The following PPP1CB variants were observed in gnomAD, a reference collection of about 807,000 sequenced individuals.
PPP1CB encodes the protein protein phosphatase 1 catalytic subunit beta.
A neutral mutation model predicts 43.7 loss-of-function variants in PPP1CB; 2 were observed. The ratio of observed to expected loss-of-function variants is 0.05; its 90% CI spans 0.02 to 0.14. PPP1CB has a LOEUF of 0.14. Among genes scored for constraint, PPP1CB ranks in the 10% least tolerant of loss-of-function variants. The pLI, the probability that PPP1CB is intolerant of heterozygous loss-of-function variation, is 1.00. For missense variants in PPP1CB, 84 were observed against 398.0 expected (o/e 0.21, Z 6.71); for synonymous variants, 136 against 135.6 (o/e 1.00, Z -0.02).
At chr2:28,786,638 G>A (rs1479439042) in intron 5 of PPP1CB, among the ~76,000 whole-genome samples, 2 of 151,910 alleles carry the variant, frequency 1.3e-5, no homozygotes, top group African/African-American at 4.8e-5. Context: ...CGCTGGGTGT[G>A]GCAGTGGGCG....
intron 4 of PPP1CB, 148 bp from the exon 5 acceptor site, chr2:28,783,757 GAA>G (rs11449670): frequency 1.6e-3 from 761 of 470,642 alleles, no homozygotes; most frequent in Non-Finnish European, 1.9e-3. Context: ...ATTCTGTCTC[GAA>G]AAAAAAAAAA....
rs1366426918 is a variant in PPP1CB at position 28,801,928 on chromosome 2, A to G, written c.*2625A>G. 1 of 152,218 alleles carries G rather than the reference A, an allele frequency of 6.6e-6. No individual in the cohort carries two copies. The highest frequency in any genetic ancestry group is 1.5e-5 in the Non-Finnish European group (1 of 68,036). The allele number at this position is 152,218 out of a possible 1,614,324, so 9.4% of individuals were successfully genotyped here. A position where few individuals can be genotyped will look rare whatever the true frequency, so the allele number is the denominator to read the frequency against. ...TTTTGCCCAGGGACAAATTTTAATAATCAGCAAGACTGGTTTGTGCAAAGC... is the reference window on the plus strand; with the variant it reads ...TTTTGCCCAGGGACAAATTTTAATAGTCAGCAAGACTGGTTTGTGCAAAGC... On this transcript the variant is annotated 3_prime_UTR_variant, in exon 8 of 8. Coordinates refer to ENST00000395366, the MANE Select transcript of PPP1CB (RefSeq NM_002709.3).
At position 28,773,259 on chromosome 2, in the gene PPP1CB, G is replaced by T. The variant is rs536740432; in HGVS notation, c.53-3592G>T. 2.1e-3 allele frequency among the ~76,000 whole-genome samples: 313 copies of T among 152,236 alleles called. 1 individual carries two copies. The highest frequency in any genetic ancestry group is 0.01 in the Middle Eastern group (3 of 294). On this transcript the variant is annotated intron_variant, in intron 1 of 7. Transcript: ENST00000395366. Reference sequence around the variant, plus strand: ...ATTTGCTATCATGGGATTTTATCTGGTCTGAAATTACTACATGCTGAAAAT... The same window carrying T: ...ATTTGCTATCATGGGATTTTATCTGTTCTGAAATTACTACATGCTGAAAAT...
intron 1 of PPP1CB, among the ~76,000 whole-genome samples, chr2:28,771,975 CAAAA>C (rs145379596): frequency 7.4e-6 from 1 of 134,844 alleles, no homozygotes. Context: ...CGAACTTGTC[CAAAA>C]AAAAAAAAAA....
At chr2:28,767,865 C>G (rs1666816138) in intron 1 of PPP1CB, among the ~76,000 whole-genome samples, 1 of 152,182 alleles carries the variant, frequency 6.6e-6, no homozygotes, top group African/African-American at 2.4e-5. Context: ...ACCCCTTGGC[C>G]TTAGTTTGCT....
At position 28,751,980 on chromosome 2, in the gene PPP1CB, G is replaced by A; in HGVS notation, c.-145G>A. The A allele has an allele frequency of 1.4e-6, 1 of 731,596 alleles. No individual in the cohort carries two copies. The highest frequency in any genetic ancestry group is 2.4e-6 in the Non-Finnish European group (1 of 420,442). 45.3% of individuals were successfully genotyped at this position (731,596 alleles called of 1,614,324 possible). ...GCTACCCGGCGGGGAGGGGGTGGGG[G>A]GAGGGCCCGGGAAAAGGGGGAGTTG... On this transcript the variant is annotated 5_prime_UTR_variant, in exon 1 of 8. Coordinates refer to ENST00000395366, the MANE Select transcript of PPP1CB (RefSeq NM_002709.3).
intron 7 of PPP1CB, among the ~76,000 whole-genome samples, chr2:28,798,459 G>A (rs568572635): frequency 6.6e-6 from 1 of 152,192 alleles, no homozygotes; most frequent in Admixed American, 6.5e-5. Context: ...ATCAGCTACT[G>A]AATAGATAAA....
chr2:28,787,032 T>C (rs1242566108), intron 5 of PPP1CB, among the ~76,000 whole-genome samples: 3 of 152,184 alleles, frequency 2.0e-5, no homozygotes, highest in Non-Finnish European at 2.9e-5. Context: ...CCACTAATTC[T>C]ACAAATGGTT....
intron 3 of PPP1CB, among the ~76,000 whole-genome samples, chr2:28,780,807 C>T (rs1288729333): frequency 2.0e-5 from 3 of 152,146 alleles, no homozygotes; most frequent in African/African-American, 4.8e-5. Context: ...GGTGAACATA[C>T]ACTTGAGGTT....
intron 1 of PPP1CB, among the ~76,000 whole-genome samples, chr2:28,754,176 CT>C (rs1347901966): frequency 6.6e-6 from 1 of 151,586 alleles, no homozygotes; most frequent in Non-Finnish European, 1.5e-5. Flanking sequence ...TGTTTGTATC[CT>C]TTTAAATTAG....
In PPP1CB at chr2:28,751,909, TATTTA is replaced by T; in HGVS notation, c.-215_-211del. 1 of 584,754 alleles carries T rather than the reference TATTTA, an allele frequency of 1.7e-6. No homozygotes were observed. Among genetic ancestry groups the T allele is most frequent in the Non-Finnish European group, 3.1e-6 (1 of 322,766 alleles). 36.2% of individuals were successfully genotyped at this position (584,754 alleles called of 1,614,324 possible). A position where few individuals can be genotyped will look rare whatever the true frequency, so the allele number is the denominator to read the frequency against. On this transcript the variant is annotated 5_prime_UTR_variant, in exon 1 of 8. Coordinates refer to ENST00000395366, the MANE Select transcript of PPP1CB (RefSeq NM_002709.3). ...CCTGTTCGAGGGGGCCTCTCTTGTT[TATTTA>T]TTTATTTTCCGTGGGTGCCTCCGAG...
At chr2:28,791,168 T>G (rs1038242143) in intron 6 of PPP1CB, among the ~76,000 whole-genome samples, 1 of 152,202 alleles carries the variant, frequency 6.6e-6, no homozygotes, top group African/African-American at 2.4e-5. Flanking sequence ...TTACTACTGC[T>G]GCCTCTTTCT....
At chr2:28,790,088 G>A (rs1239766810) in intron 6 of PPP1CB, among the ~76,000 whole-genome samples, 1 of 152,102 alleles carries the variant, frequency 6.6e-6, no homozygotes, top group Non-Finnish European at 1.5e-5. Flanking sequence ...TGGAGACCAG[G>A]CTGGGCAACA....
chr2:28,761,283 A>T (rs1307770004), intron 1 of PPP1CB, among the ~76,000 whole-genome samples: 2 of 152,180 alleles, frequency 1.3e-5, no homozygotes, highest in Non-Finnish European at 2.9e-5. Flanking sequence ...AGCTTTTGTG[A>T]ATTTCGGACT....
chr2:28,757,986 C>T (rs1266903927), intron 1 of PPP1CB, among the ~76,000 whole-genome samples: 5 of 150,980 alleles, frequency 3.3e-5, no homozygotes, highest in African/African-American at 1.2e-4. Flanking sequence ...TTATTCTCCA[C>T]GTTTATTACT....
intron 4 of PPP1CB, 65 bp downstream of exon 4, chr2:28,781,907 A>T: frequency 9.2e-7 from 1 of 1,086,130 alleles, no homozygotes; most frequent in Non-Finnish European, 1.4e-6. Context: ...TACCTATAAT[A>T]ATCAAGAGGC....
At chr2:28,779,628 T>C (rs1172161264) in intron 3 of PPP1CB, among the ~76,000 whole-genome samples, 2 of 152,230 alleles carry the variant, frequency 1.3e-5, no homozygotes, top group Non-Finnish European at 2.9e-5. Flanking sequence ...TATGGTCTTT[T>C]GGTTTTATTA....
At chr2:28,775,676 C>G (rs960893783) in intron 1 of PPP1CB, among the ~76,000 whole-genome samples, 1 of 152,118 alleles carries the variant, frequency 6.6e-6, no homozygotes, top group African/African-American at 2.4e-5. Flanking sequence ...TGCTCCCAGC[C>G]TATTTTCTTT....
At chr2:28,785,806 C>G (rs1167211345) in intron 5 of PPP1CB, among the ~76,000 whole-genome samples, 4 of 151,860 alleles carry the variant, frequency 2.6e-5, no homozygotes, top group Non-Finnish European at 5.9e-5. Flanking sequence ...GAGACCCTCT[C>G]TTTCAAAAAA....
Sources: gnomAD v4.1 joint callset for allele counts (sites outside exome capture counted in the v4.1 genomes callset) on GRCh38, gnomAD v4.1.1 for gene constraint, MANE v1.5 for transcripts, NCBI Gene and HGNC (gene_info 2026-07-23, HGNC 2026-07-21) for gene names.